GRM1: variants seen among roughly 807,000 people sequenced by gnomAD.
The protein encoded by GRM1 is glutamate metabotropic receptor 1, also known as metabotropic glutamate receptor 1.
Under a neutral mutation model 90.9 loss-of-function variants are expected in GRM1, and 33 were observed. The observed-to-expected ratio is 0.36, with a 90% CI of 0.28 to 0.49. GRM1 has a LOEUF of 0.49. Among genes scored for constraint, GRM1 ranks in the 20% least tolerant of loss-of-function variants. The pLI is 0.99. For missense variants in GRM1, 1,190 were observed against 1,534.3 expected (o/e 0.78, Z 3.75); for synonymous variants, 700 against 613.2 (o/e 1.14, Z -2.09).
chr6:146,268,621 A>G (rs537091586), intron 2 of GRM1, among the ~76,000 whole-genome samples: 4 of 152,346 alleles, frequency 2.6e-5, no homozygotes, highest in African/African-American at 9.6e-5. Context: ...TATTAAAATC[A>G]TCCTTGACCA....
chr6:146,126,833 C>T (rs1776216233), intron 1 of GRM1, among the ~76,000 whole-genome samples: 1 of 152,186 alleles, frequency 6.6e-6, no homozygotes, highest in African/African-American at 2.4e-5. Flanking sequence ...AGATCTCAAA[C>T]TAATGCAATA....
rs3025904 is a variant in GRM1, at chr6:146,315,929, T to C, written c.1186+11083T>C. 3.4e-3 allele frequency among the ~76,000 whole-genome samples: 520 copies of C among 152,350 alleles called. 2 individuals are homozygous for C. Among genetic ancestry groups the C allele is most frequent in the African/African-American group, 0.012 (492 of 41,586 alleles). On this transcript the variant is annotated intron_variant, in intron 3 of 7. Transcript: ENST00000282753. ...AAACCAGTAAGTCATAACCAAATAC[T>C]GTATGCCTCCCTGTCCAGATTGGGT...
At chr6:146,326,048 A>G (rs964245056) in intron 3 of GRM1, among the ~76,000 whole-genome samples, 4 of 152,212 alleles carry the variant, frequency 2.6e-5, no homozygotes, top group Admixed American at 2.0e-4. Context: ...TCTAAAATGA[A>G]GTGAATAAGT....
intron 1 of GRM1, among the ~76,000 whole-genome samples, chr6:146,123,991 G>A (rs1421270395): frequency 1.3e-5 from 2 of 152,056 alleles, no homozygotes; most frequent in African/African-American, 4.8e-5. Flanking sequence ...TTTCTTCTAA[G>A]GAATCAGCAT....
intron 2 of GRM1, among the ~76,000 whole-genome samples, chr6:146,263,241 A>AT (rs902745044): frequency 1.1e-4 from 17 of 151,942 alleles, no homozygotes; most frequent in African/African-American, 4.1e-4. Context: ...AGGAGAAAAT[A>AT]TTTTTGTTAC....
At chr6:146,293,664 G>T (rs1258580089) in intron 2 of GRM1, among the ~76,000 whole-genome samples, 1 of 151,530 alleles carries the variant, frequency 6.6e-6, no homozygotes, top group Admixed American at 6.6e-5. Flanking sequence ...TAAATCTCTG[G>T]TTGAGTTTAT....
At chr6:146,239,459 T>A (rs1052450650) in intron 2 of GRM1, among the ~76,000 whole-genome samples, 7 of 152,142 alleles carry the variant, frequency 4.6e-5, no homozygotes, top group Non-Finnish European at 8.8e-5. Flanking sequence ...AACTGTGAGT[T>A]CCTTGCGGGC....
At chr6:146,328,491 A>G (rs1200336500) in intron 3 of GRM1, among the ~76,000 whole-genome samples, 1 of 152,228 alleles carries the variant, frequency 6.6e-6, no homozygotes, top group East Asian at 1.9e-4. Context: ...TATGTAAGCA[A>G]TGTGCCAATG....
rs1393246665 is a variant in GRM1 at position 146,436,438 on chromosome 6, C to G, written c.*1642C>G. 2.0e-5 allele frequency: 3 copies of G among 152,150 alleles called. No individual in the cohort carries two copies. The highest frequency in any genetic ancestry group is 4.4e-5 in the Non-Finnish European group (3 of 68,024). The allele number at this position is 152,150 out of a possible 1,614,324, so 9.4% of individuals were successfully genotyped here. A position where few individuals can be genotyped will look rare whatever the true frequency, so the allele number is the denominator to read the frequency against. ...GATTGAACAAAGCATTTAGATTATT[C>G]CAGGTTATATCATTTTTTTAAAGAT... is the stretch of plus-strand genomic sequence containing the variant. On this transcript the variant is annotated 3_prime_UTR_variant, in exon 8 of 8. Transcript: ENST00000282753.
intron 2 of GRM1, among the ~76,000 whole-genome samples, chr6:146,303,345 A>G (rs553926191): frequency 3.3e-5 from 5 of 152,138 alleles, no homozygotes; most frequent in Non-Finnish European, 7.3e-5. Context: ...CCCCTGACCA[A>G]GACAGCCTTA....
intron 1 of GRM1, among the ~76,000 whole-genome samples, chr6:146,087,620 A>G (rs1776589560): frequency 6.6e-6 from 1 of 152,136 alleles, no homozygotes; most frequent in Non-Finnish European, 1.5e-5. Context: ...CTCTAACCCC[A>G]GGCAACCACG....
In GRM1 at chr6:146,304,733, G is replaced by T. The variant is rs112817798; in HGVS notation, c.1073G>T (p.Arg358Met). 1 of 1,613,988 alleles carries T rather than the reference G, an allele frequency of 6.2e-7. No homozygotes were observed. Among genetic ancestry groups the T allele is most frequent in the Admixed American group, 1.7e-5 (1 of 59,990 alleles). ...TTTGATGATTATTTCCTGAAACTGA[G>T]GCTGGACACTAACACGAGGAATCCC... Reference protein sequence around the residue: ...RSFDDYFLKLRLDTNTRNPWF... With the variant: ...RSFDDYFLKLMLDTNTRNPWF... Residue 358 changes from arginine to methionine, a missense_variant, in exon 3 of 8, where the codon AGG (arginine) becomes ATG (methionine). Physicochemically the swap from Arg to Met is moderately conservative, Grantham distance 91. Transcript: ENST00000282753.
intron 2 of GRM1, among the ~76,000 whole-genome samples, chr6:146,219,824 T>C (rs981426849): frequency 6.6e-6 from 1 of 152,130 alleles, no homozygotes; most frequent in African/African-American, 2.4e-5. Context: ...TAAGAGTTTA[T>C]AAACCCTTTC....
intron 1 of GRM1, among the ~76,000 whole-genome samples, chr6:146,088,748 C>G (rs1389119832): frequency 6.6e-6 from 1 of 152,078 alleles, no homozygotes; most frequent in African/African-American, 2.4e-5. Context: ...AAGCAGGTCT[C>G]CCATCACAGT....
At chr6:146,357,451 A>T in intron 4 of GRM1, 75 bp from the exon 5 acceptor site, 1 of 1,178,914 alleles carries the variant, frequency 8.5e-7, no homozygotes, top group African/African-American at 1.5e-5. Context: ...TTCTATTATT[A>T]TCTACTTACC....
At chr6:146,123,587 A>G (rs1776085749) in intron 1 of GRM1, among the ~76,000 whole-genome samples, 1 of 152,232 alleles carries the variant, frequency 6.6e-6, no homozygotes, top group Non-Finnish European at 1.5e-5. Flanking sequence ...TACAATCAGC[A>G]GTACAGCAAT....
intron 1 of GRM1, among the ~76,000 whole-genome samples, chr6:146,072,002 T>C (rs1776031857): frequency 6.6e-6 from 1 of 152,170 alleles, no homozygotes; most frequent in African/African-American, 2.4e-5. Flanking sequence ...GGCAGCACAA[T>C]GCAGCATTCG....
At chr6:146,394,144 C>T (rs190673332) in intron 6 of GRM1, among the ~76,000 whole-genome samples, 1 of 152,130 alleles carries the variant, frequency 6.6e-6, no homozygotes, top group Non-Finnish European at 1.5e-5. Flanking sequence ...AATGTAAGAC[C>T]TAAATCCGTA....
Position 146,434,338 on chromosome 6 carries a change from A to G in GRM1, c.3127A>G (p.Thr1043Ala). The G allele has an allele frequency of 6.2e-7, 1 of 1,612,380 alleles. No individual in the cohort carries two copies. Among genetic ancestry groups the G allele is most frequent in the Non-Finnish European group, 8.5e-7 (1 of 1,178,842 alleles). The change falls in exon 8 of 8, where the codon ACC becomes GCC. Residue 1043 changes from threonine to alanine, a missense_variant. Around this residue, in one of 10 missense-constraint regions of GRM1, gnomAD observed 400 missense variants for 360.8 expected, o/e 1.11. Transcript: ENST00000282753. ...QLQGVVSNFS[T>A]AIPDFHAVLA... ...CCAGGGAGTGGTCAGCAACTTCAGTACCGCGATCCCGGATTTTCACGCGGT... is the reference window on the plus strand; with the variant it reads ...CCAGGGAGTGGTCAGCAACTTCAGTGCCGCGATCCCGGATTTTCACGCGGT...
Sources: gnomAD v4.1 joint callset for allele counts (sites outside exome capture counted in the v4.1 genomes callset) on GRCh38, gnomAD v4.1.1 for gene constraint, gnomAD v4.1.1 regional missense constraint, MANE v1.5 for transcripts, NCBI Gene and HGNC (gene_info 2026-07-23, HGNC 2026-07-21) for gene names.